The following HCRTR2 variants were observed in gnomAD, a reference collection of about 807,000 sequenced individuals.
HCRTR2 encodes the protein orexin receptor type 2.
Under a neutral mutation model 49.0 loss-of-function variants are expected in HCRTR2, and 22 were observed. The ratio of observed to expected loss-of-function variants is 0.45; its 90% CI spans 0.32 to 0.64. The LOEUF is 0.64. HCRTR2 is among the 30% of genes least tolerant of loss of function. The probability of loss-of-function intolerance (pLI) is 0.04; values close to 1 mark genes in which losing one functional copy is unlikely to be tolerated. For missense variants in HCRTR2, 491 were observed against 559.4 expected (o/e 0.88, Z 1.23); for synonymous variants, 236 against 205.3 (o/e 1.15, Z -1.28).
chr6:55,149,185 A>T (rs887433511), intron 1 of HCRTR2, among the ~76,000 whole-genome samples: 4 of 151,720 alleles, frequency 2.6e-5, no homozygotes, highest in African/African-American at 9.7e-5. Flanking sequence ...AAGCTGTTTT[A>T]TTTTTTTTCT....
chr6:55,282,207 A>C lies in HCRTR2; in HGVS notation c.1106-18A>C. The C allele has an allele frequency of 6.4e-7, 1 of 1,572,326 alleles. No individual in the cohort carries two copies. The highest frequency in any genetic ancestry group is 8.7e-7 in the Non-Finnish European group (1 of 1,143,420). On this transcript the variant is annotated intron_variant, in intron 6 of 6. Coordinates refer to ENST00000370862, the MANE Select transcript of HCRTR2 (RefSeq NM_001384272.1). ...TTTATGTATAATTCCTTTTCCTTTC[A>C]TTCTCTCTGTTTGCCAGGAAAATTT...
chr6:55,207,136 G>C (rs965125154), intron 1 of HCRTR2, among the ~76,000 whole-genome samples: 1 of 152,100 alleles, frequency 6.6e-6, no homozygotes, highest in Non-Finnish European at 1.5e-5. Flanking sequence ...TTATTGAGAT[G>C]GAGTCTCGTT....
intron 1 of HCRTR2, among the ~76,000 whole-genome samples, chr6:55,219,494 T>C (rs1765850054): frequency 6.6e-6 from 1 of 152,070 alleles, no homozygotes; most frequent in Non-Finnish European, 1.5e-5. Context: ...TGTTTCAAGA[T>C]AAATGAAAAT....
chr6:55,204,709 A>C (rs1353039485), intron 1 of HCRTR2, among the ~76,000 whole-genome samples: 1 of 152,202 alleles, frequency 6.6e-6, no homozygotes, highest in Non-Finnish European at 1.5e-5. Flanking sequence ...AGTTGTCCTA[A>C]GCAAGTGGAA....
chr6:55,127,271 G>C (rs999300115), intron 1 of HCRTR2, among the ~76,000 whole-genome samples: 1 of 152,112 alleles, frequency 6.6e-6, no homozygotes, highest in Admixed American at 6.6e-5. Context: ...ATCTGGGCTG[G>C]AGTGTGCTTG....
Position 55,280,459 on chromosome 6 carries a change from GT to G in HCRTR2, c.1105+17del. The G allele has an allele frequency of 6.2e-7, 1 of 1,611,206 alleles. No individual in the cohort carries two copies. The highest frequency in any genetic ancestry group is 2.2e-5 in the East Asian group (1 of 44,820). On this transcript the variant is annotated intron_variant, in intron 6 of 6. Transcript: ENST00000370862. ...TTTTCTCAGTGGTGAGTTTTCAACT[GT>G]TCTTCCATAAGCCACAATTGTAACC...
intron 4 of HCRTR2, among the ~76,000 whole-genome samples, chr6:55,264,510 A>G (rs765319909): frequency 1.2e-4 from 19 of 152,082 alleles, no homozygotes; most frequent in Non-Finnish European, 2.5e-4. Flanking sequence ...AGGAATTCAT[A>G]GTCTAGAGGA....
At chr6:55,224,015 G>A (rs1340400627) in intron 1 of HCRTR2, among the ~76,000 whole-genome samples, 2 of 152,102 alleles carry the variant, frequency 1.3e-5, no homozygotes, top group African/African-American at 2.4e-5. Context: ...AAAGACAGTT[G>A]CTGACATTTT....
intron 1 of HCRTR2, among the ~76,000 whole-genome samples, chr6:55,241,861 ATTTTTTTTTT>A (rs917427627): frequency 1.1e-5 from 1 of 92,524 alleles, no homozygotes; most frequent in African/African-American, 4.4e-5. Flanking sequence ...ATGGCAACTA[ATTTTTTTTTT>A]TTTTTTTTTT....
At chr6:55,176,961 T>A (rs1453590900) in intron 1 of HCRTR2, among the ~76,000 whole-genome samples, 1 of 152,218 alleles carries the variant, frequency 6.6e-6, no homozygotes, top group African/African-American at 2.4e-5. Flanking sequence ...TTCGGCTGAA[T>A]CTTTGTGGTA....
chr6:55,204,114 C>G (rs1431166513), intron 1 of HCRTR2, among the ~76,000 whole-genome samples: 1 of 152,116 alleles, frequency 6.6e-6, no homozygotes, highest in Non-Finnish European at 1.5e-5. Flanking sequence ...TTTCTATCCC[C>G]TCTCATAAGG....
chr6:55,221,611 A>G (rs1765895532), intron 1 of HCRTR2, among the ~76,000 whole-genome samples: 1 of 152,126 alleles, frequency 6.6e-6, no homozygotes, highest in Non-Finnish European at 1.5e-5. Flanking sequence ...CAGAAGATCG[A>G]GACCATCCTG....
intron 3 of HCRTR2, among the ~76,000 whole-genome samples, chr6:55,256,265 T>TA (rs1766650505): frequency 6.6e-6 from 1 of 152,140 alleles, no homozygotes; most frequent in Non-Finnish European, 1.5e-5. Context: ...AAATGGCTGA[T>TA]ATTTAGAGAA....
At chr6:55,264,086 T>C (rs921951539) in intron 4 of HCRTR2, among the ~76,000 whole-genome samples, 1 of 152,088 alleles carries the variant, frequency 6.6e-6, no homozygotes, top group Non-Finnish European at 1.5e-5. Context: ...GATTAAGTAC[T>C]TTACATTTTA....
chr6:55,225,197 AC>A (rs1307248393), intron 1 of HCRTR2, among the ~76,000 whole-genome samples: 1 of 152,218 alleles, frequency 6.6e-6, no homozygotes, highest in Non-Finnish European at 1.5e-5. Flanking sequence ...GAATTAAGGT[AC>A]AAAAATTATT....
intron 4 of HCRTR2, 85 bp downstream of exon 4, chr6:55,263,907 CTT>C: frequency 1.2e-6 from 1 of 862,946 alleles, no homozygotes; most frequent in Non-Finnish European, 1.9e-6. Context: ...TTTGTCTGTG[CTT>C]TTTTTTTAGG....
At chr6:55,277,659 A>AT in intron 5 of HCRTR2, 59 bp downstream of exon 5, 2 of 1,156,704 alleles carry the variant, frequency 1.7e-6, no homozygotes, top group South Asian at 1.4e-5. Flanking sequence ...TTCTTAATTA[A>AT]CTTTTTTTTT....
chr6:55,228,219 G>T (rs887233134), intron 1 of HCRTR2, among the ~76,000 whole-genome samples: 1 of 104,740 alleles, frequency 9.5e-6, no homozygotes, highest in Non-Finnish European at 2.5e-5. Flanking sequence ...ATAGACAAAA[G>T]TTTTGAAATT....
At chr6:55,122,385 T>C (rs1274002522) in intron 1 of HCRTR2, among the ~76,000 whole-genome samples, 5 of 152,296 alleles carry the variant, frequency 3.3e-5, no homozygotes, top group Non-Finnish European at 4.4e-5. Flanking sequence ...TAGCGATCTA[T>C]GAATTTTGTT....
Sources: gnomAD v4.1 joint callset for allele counts (sites outside exome capture counted in the v4.1 genomes callset) on GRCh38, gnomAD v4.1.1 for gene constraint, MANE v1.5 for transcripts, NCBI Gene and HGNC (gene_info 2026-07-23, HGNC 2026-07-21) for gene names.